Variants in UFL1 observed in about 807,000 individuals in gnomAD.
The protein encoded by UFL1 is UFM1 specific ligase 1.
UFL1 carries 78 observed loss-of-function variants against 99.3 expected under a neutral mutation model. The observed-to-expected ratio is 0.79, with a 90% CI of 0.65 to 0.95. The LOEUF is 0.95. Among genes scored for constraint, UFL1 ranks in the 40% least tolerant of loss-of-function variants. The pLI is 0.00. For missense variants in UFL1, 936 were observed against 937.0 expected, an observed-to-expected ratio of 1.00 and a Z score of 0.01; for synonymous variants, 335 against 322.2, an observed-to-expected ratio of 1.04 and a Z score of -0.42.
chr6:96,530,205 C>G (rs1323809635), intron 6 of UFL1, among the ~76,000 whole-genome samples: 1 of 152,116 alleles, frequency 6.6e-6, no homozygotes, highest in Non-Finnish European at 1.5e-5. Flanking sequence ...CATTCATGAC[C>G]TTGACACTTT....
chr6:96,539,592 G>A (rs1273419197), intron 10 of UFL1, among the ~76,000 whole-genome samples: 10 of 151,562 alleles, frequency 6.6e-5, no homozygotes, highest in African/African-American at 9.7e-5. Context: ...AATTTAAAAC[G>A]TGTATTATCT....
At chr6:96,529,909 T>G (rs769202852) in intron 6 of UFL1, among the ~76,000 whole-genome samples, 4 of 152,100 alleles carry the variant, frequency 2.6e-5, no homozygotes, top group Non-Finnish European at 5.9e-5. Context: ...CTGAACAATT[T>G]GAGAGGAGGT....
At chr6:96,523,050 A>T (rs1769642587) in intron 1 of UFL1, 96 bp from the exon 2 acceptor site, 1 of 1,280,558 alleles carries the variant, frequency 7.8e-7, no homozygotes, top group Admixed American at 2.7e-5. Context: ...TGACTAAACA[A>T]ACTTTTTAAA....
chr6:96,528,444 A>G, intron 5 of UFL1, 58 bp from the exon 6 acceptor site: 1 of 1,571,816 alleles, frequency 6.4e-7, no homozygotes, highest in Non-Finnish European at 8.7e-7. Flanking sequence ...GACTATGCAA[A>G]TGCATATGTG....
chr6:96,522,970 T>A (rs1769640863), intron 1 of UFL1, 176 bp from the exon 2 acceptor site: 2 of 510,178 alleles, frequency 3.9e-6, no homozygotes. Flanking sequence ...ACCTACTTAC[T>A]CTGAAAGGTT....
intron 12 of UFL1, among the ~76,000 whole-genome samples, chr6:96,546,878 CTG>C (rs1770008637): frequency 6.6e-6 from 1 of 151,422 alleles, no homozygotes; most frequent in South Asian, 2.1e-4. Flanking sequence ...AGACATGAAA[CTG>C]TAAAAATCCT....
In UFL1 at chr6:96,528,555, TAGA is replaced by T; in HGVS notation, c.520_522del (p.Arg174del). 6.2e-7 allele frequency: 1 copy of T among 1,613,888 alleles called. No homozygotes were observed. Among genetic ancestry groups the T allele is most frequent in the Non-Finnish European group, 8.5e-7 (1 of 1,179,852 alleles). ...TCAGTGGACATATTGATCTTGATAA[TAGA>T]GGAGTAATTTTTACGGAAGCTTTTG... is the stretch of plus-strand genomic sequence containing the variant. On this transcript the variant is annotated inframe_deletion, in exon 6 of 19. Coordinates refer to ENST00000369278, the MANE Select transcript of UFL1 (RefSeq NM_015323.5).
In UFL1 at chr6:96,525,409, G is replaced by A; in HGVS notation, c.350+15G>A. On this transcript the variant is annotated intron_variant, in intron 4 of 18. Transcript: ENST00000369278. ...CTGATAGATGAGTAAGTACAATAAA[G>A]TACAAATTTAAGAGCACTTTGTTTA... is the stretch of plus-strand genomic sequence containing the variant. 6.4e-7 allele frequency: 1 copy of A among 1,562,198 alleles called. No individual in the cohort carries two copies. The highest frequency in any genetic ancestry group is 8.7e-7 in the Non-Finnish European group (1 of 1,148,514).
At chr6:96,522,994 T>C in intron 1 of UFL1, 152 bp from the exon 2 acceptor site, 6 of 635,532 alleles carry the variant, frequency 9.4e-6, no homozygotes, top group Non-Finnish European at 1.5e-5. Context: ...TTTTAACTTA[T>C]TGAATCAGTT....
chr6:96,541,283 G>A (rs1352754326), intron 11 of UFL1, among the ~76,000 whole-genome samples: 2 of 151,418 alleles, frequency 1.3e-5, no homozygotes, highest in South Asian at 2.1e-4. Flanking sequence ...TATTTTAGGT[G>A]TCCTATAAAC....
chr6:96,543,272 A>G (rs112667846), intron 12 of UFL1, among the ~76,000 whole-genome samples: 1 of 151,224 alleles, frequency 6.6e-6, no homozygotes, highest in African/African-American at 2.4e-5. Flanking sequence ...TTCAGTCCAC[A>G]AATCAGTACA....
intron 4 of UFL1, among the ~76,000 whole-genome samples, chr6:96,525,663 A>C (rs1769687802): frequency 6.6e-6 from 1 of 151,190 alleles, no homozygotes; most frequent in African/African-American, 2.4e-5. Context: ...AACATAGCAA[A>C]GATCCTGTCT....
chr6:96,554,032 C>CA lies in UFL1; in HGVS notation c.*535dup, dbSNP rs1770120062. ...TTCAAAACTAAAATACAGAAATTTA[C>CA]AAAAAAGAAAAATTATTACTAAGCC... On this transcript the variant is annotated 3_prime_UTR_variant, in exon 19 of 19. Transcript: ENST00000369278. The CA allele has an allele frequency of 1.3e-5, 2 of 151,530 alleles. No homozygotes were observed. The highest frequency in any genetic ancestry group is 2.1e-4 in the South Asian group (1 of 4,816). 9.4% of individuals were successfully genotyped at this position (151,530 alleles called of 1,614,324 possible). A position where few individuals can be genotyped will look rare whatever the true frequency, so the allele number is the denominator to read the frequency against.
intron 18 of UFL1, 87 bp from the exon 19 acceptor site, chr6:96,553,198 C>G: frequency 7.9e-7 from 1 of 1,269,346 alleles, no homozygotes; most frequent in Non-Finnish European, 1.1e-6. Context: ...TGAGGACCTT[C>G]AATGTGTATT....
chr6:96,539,890 T>C (rs1208182030), intron 10 of UFL1, among the ~76,000 whole-genome samples: 2 of 151,698 alleles, frequency 1.3e-5, no homozygotes, highest in East Asian at 3.9e-4. Flanking sequence ...TTAAGCATTT[T>C]TCTTTAGAAA....
chr6:96,533,739 A>G (rs1345542396), intron 6 of UFL1, among the ~76,000 whole-genome samples: 1 of 151,400 alleles, frequency 6.6e-6, no homozygotes, highest in South Asian at 2.1e-4. Flanking sequence ...CCTTATTGCA[A>G]TAAAACTGGT....
At position 96,543,868 on chromosome 6, in the gene UFL1, A is replaced by G. The variant is rs957416143; in HGVS notation, c.1402+852A>G. Among the ~76,000 whole-genome samples, 3 of 151,108 alleles carry G rather than the reference A, an allele frequency of 2.0e-5. No homozygotes were observed. The Admixed American group carries it at 2.0e-4, about 10-fold the overall frequency. ...GATAAGTATTTTACACAGAAATAAAACACTTTCATTCTCCATGTTCTAATG... is the reference window on the plus strand; with the variant it reads ...GATAAGTATTTTACACAGAAATAAAGCACTTTCATTCTCCATGTTCTAATG... On this transcript the variant is annotated intron_variant, in intron 12 of 18. Transcript: ENST00000369278.
At chr6:96,544,376 T>C (rs1769972314) in intron 12 of UFL1, among the ~76,000 whole-genome samples, 1 of 150,736 alleles carries the variant, frequency 6.6e-6, no homozygotes, top group Admixed American at 6.6e-5. Flanking sequence ...GATACTGCCC[T>C]CTTCCTTATC....
chr6:96,545,969 A>G lies in UFL1; in HGVS notation c.1403-2195A>G, dbSNP rs142394208. ...ATTAAGAACTGGAACAAGGCAAAGGATGTCTACTCTCACCACTCCTATTCA... is the reference window on the plus strand; with the variant it reads ...ATTAAGAACTGGAACAAGGCAAAGGGTGTCTACTCTCACCACTCCTATTCA... On this transcript the variant is annotated intron_variant, in intron 12 of 18. Transcript: ENST00000369278. Among the ~76,000 whole-genome samples the G allele has an allele frequency of 2.9e-3, 439 of 151,420 alleles. 4 individuals are homozygous for G. Among genetic ancestry groups the G allele is most frequent in the African/African-American group, 0.01 (424 of 41,438 alleles).
Sources: gnomAD v4.1 joint callset for allele counts (sites outside exome capture counted in the v4.1 genomes callset) on GRCh38, gnomAD v4.1.1 for gene constraint, MANE v1.5 for transcripts, NCBI Gene and HGNC (gene_info 2026-07-23, HGNC 2026-07-21) for gene names.